Variants in AUTS2 observed in about 807,000 individuals in gnomAD.
AUTS2 encodes autism susceptibility gene 2 protein.
Under a neutral mutation model 112.4 loss-of-function variants are expected in AUTS2, and 17 were observed. That is an observed-to-expected ratio of 0.15 (90% CI 0.10 to 0.23). The LOEUF is 0.23. AUTS2 is among the 10% of genes least tolerant of loss of function. AUTS2 has a pLI of 1.00. For missense variants in AUTS2, 1,510 were observed against 1,701.6 expected, an observed-to-expected ratio of 0.89 and a Z score of 1.98; for synonymous variants, 751 against 702.7, an observed-to-expected ratio of 1.07 and a Z score of -1.09.
intron 1 of AUTS2, among the ~76,000 whole-genome samples, chr7:69,882,150 CAAAAAAAAAAAAAA>C (rs57238970): frequency 1.8e-5 from 1 of 57,134 alleles, no homozygotes; most frequent in African/African-American, 6.3e-5. Context: ...AACTCTGTCT[CAAAAAAAAAAAAAA>C]AAAAAAAAAA....
intron 6 of AUTS2, among the ~76,000 whole-genome samples, chr7:70,709,859 T>C (rs144956073): frequency 3.6e-4 from 55 of 152,320 alleles, no homozygotes; most frequent in Middle Eastern, 6.8e-3. Context: ...AGGACTTCAG[T>C]CCTGAACTTG....
chr7:69,633,488 G>A (rs1794368870), intron 1 of AUTS2, among the ~76,000 whole-genome samples: 1 of 152,144 alleles, frequency 6.6e-6, no homozygotes, highest in Non-Finnish European at 1.5e-5. Context: ...GGGTCATATG[G>A]AAGTTCTATT....
At position 69,769,708 on chromosome 7, in the gene AUTS2, A is replaced by G. The variant is rs142759100; in HGVS notation, c.310-129578A>G. ...AGGGCGATGTATTGCCAGTCTTTTG[A>G]TGTTCCTGTTTCCCAACCCACGGAG... On this transcript the variant is annotated intron_variant, in intron 1 of 18. Coordinates refer to ENST00000342771, the MANE Select transcript of AUTS2 (RefSeq NM_015570.4). 2.0e-5 allele frequency among the ~76,000 whole-genome samples: 3 copies of G among 152,258 alleles called. No individual in the cohort carries two copies. In the East Asian group the frequency reaches 5.8e-4, roughly 29 times the overall value.
chr7:70,439,538 CAAA>C (rs71077657), intron 5 of AUTS2, among the ~76,000 whole-genome samples: 4 of 73,292 alleles, frequency 5.5e-5, no homozygotes, highest in African/African-American at 1.2e-4. Context: ...GACTCCATCT[CAAA>C]AAAAAAAAAA....
intron 15 of AUTS2, chr7:70,784,423 T>C (rs1452814650): frequency 6.6e-6 from 1 of 152,188 alleles, no homozygotes; most frequent in Non-Finnish European, 1.5e-5. Context: ...GAAAACTTGG[T>C]CCTCCGAGAT....
intron 1 of AUTS2, among the ~76,000 whole-genome samples, chr7:69,802,283 T>A (rs1452408220): frequency 6.6e-6 from 1 of 152,174 alleles, no homozygotes; most frequent in East Asian, 1.9e-4. Context: ...TTTTCATGGG[T>A]CAGAATTTGT....
In AUTS2 at chr7:70,599,736, A is replaced by G. The variant is rs967229004; in HGVS notation, c.691-98833A>G. Among the ~76,000 whole-genome samples, 6 of 152,312 alleles carry G rather than the reference A, an allele frequency of 3.9e-5. No individual in the cohort carries two copies. In the East Asian group the frequency reaches 9.7e-4, roughly 25 times the overall value. ...AGAGCAAGAAGTCAAGCAGCAATAC[A>G]GGCCCAGTGACAGTCATCACTCACA... On this transcript the variant is annotated intron_variant, in intron 5 of 18. Transcript: ENST00000342771.
At chr7:69,821,838 C>T (rs1791010026) in intron 1 of AUTS2, among the ~76,000 whole-genome samples, 1 of 149,620 alleles carries the variant, frequency 6.7e-6, no homozygotes, top group Admixed American at 6.7e-5. Flanking sequence ...ATCGATTGAG[C>T]TCAGGAGGTT....
At chr7:69,706,960 G>A (rs1056562576) in intron 1 of AUTS2, among the ~76,000 whole-genome samples, 4 of 152,176 alleles carry the variant, frequency 2.6e-5, no homozygotes, top group African/African-American at 4.8e-5. Flanking sequence ...GGAAACCAAC[G>A]TAAAAAGTAC....
chr7:69,998,306 C>CA (rs1023988453), intron 2 of AUTS2, among the ~76,000 whole-genome samples: 4 of 151,938 alleles, frequency 2.6e-5, no homozygotes, highest in Admixed American at 2.0e-4. Context: ...CTCAGCCTCC[C>CA]AAGTAGCTGG....
intron 1 of AUTS2, among the ~76,000 whole-genome samples, chr7:69,775,366 A>T (rs953638556): frequency 6.6e-6 from 1 of 152,224 alleles, no homozygotes; most frequent in Non-Finnish European, 1.5e-5. Context: ...TCCCTGATGC[A>T]GTCATCACGG....
chr7:70,636,194 G>A (rs917346694), intron 5 of AUTS2, among the ~76,000 whole-genome samples: 5 of 152,166 alleles, frequency 3.3e-5, no homozygotes, highest in South Asian at 2.1e-4. Context: ...GGAGTGGCCC[G>A]GGCAAGGTGT....
At chr7:70,565,355 A>T (rs908976322) in intron 5 of AUTS2, among the ~76,000 whole-genome samples, 9 of 152,118 alleles carry the variant, frequency 5.9e-5, no homozygotes, top group Non-Finnish European at 1.2e-4. Flanking sequence ...CTCTACTTTT[A>T]TGGAAATTGT....
At chr7:70,219,455 G>C (rs186027225) in intron 4 of AUTS2, among the ~76,000 whole-genome samples, 1 of 151,932 alleles carries the variant, frequency 6.6e-6, no homozygotes, top group Non-Finnish European at 1.5e-5. Flanking sequence ...TCAGAATTTT[G>C]AGTGTATAGA....
At chr7:69,716,466 A>G (rs1283181018) in intron 1 of AUTS2, among the ~76,000 whole-genome samples, 1 of 152,168 alleles carries the variant, frequency 6.6e-6, no homozygotes, top group Non-Finnish European at 1.5e-5. Context: ...TCTGAGAGAT[A>G]GTGAAAAATC....
At chr7:70,662,566 C>A (rs941634046) in intron 5 of AUTS2, among the ~76,000 whole-genome samples, 15 of 152,314 alleles carry the variant, frequency 9.8e-5, no homozygotes, top group African/African-American at 3.6e-4. Flanking sequence ...ACTCCTCTGG[C>A]ACCGTTGCCT....
intron 6 of AUTS2, among the ~76,000 whole-genome samples, chr7:70,739,825 AAG>A (rs776018315): frequency 1.1e-3 from 135 of 128,318 alleles, no homozygotes; most frequent in Non-Finnish European, 1.8e-3. Context: ...AAAAAAAAAA[AAG>A]TCTTCCTTAC....
chr7:69,714,427 G>C (rs933856902), intron 1 of AUTS2, among the ~76,000 whole-genome samples: 1 of 151,820 alleles, frequency 6.6e-6, no homozygotes, highest in South Asian at 2.1e-4. Flanking sequence ...TTTCCATATA[G>C]GTATCTAATT....
chr7:69,746,007 G>A (rs1787481812), intron 1 of AUTS2, among the ~76,000 whole-genome samples: 1 of 152,008 alleles, frequency 6.6e-6, no homozygotes, highest in Non-Finnish European at 1.5e-5. Context: ...TTGAGTGGCT[G>A]AAACTACAGG....
Sources: gnomAD v4.1 joint callset for allele counts (sites outside exome capture counted in the v4.1 genomes callset) on GRCh38, gnomAD v4.1.1 for gene constraint, MANE v1.5 for transcripts, NCBI Gene and HGNC (gene_info 2026-07-23, HGNC 2026-07-21) for gene names.